CAPN10: variants seen among roughly 807,000 people sequenced by gnomAD.
The protein encoded by CAPN10 is calpain 10.
CAPN10 carries 71 observed loss-of-function variants against 78.4 expected under a neutral mutation model. The observed-to-expected ratio is 0.91, with a 90% confidence interval of 0.75 to 1.10. CAPN10 has a LOEUF of 1.10. Ranked by LOEUF, CAPN10 falls within the 50% of genes least tolerant of loss-of-function variation. The pLI is 0.00. For synonymous variants in CAPN10, 437 were observed against 407.2 expected (o/e 1.07, Z -0.88); for missense variants, 849 against 924.6 (o/e 0.92, Z 1.06).
chr2:240,596,744 GA>G lies in CAPN10; in HGVS notation c.1546del (p.Thr516ProfsTer86), dbSNP rs757476502. 1.2e-6 allele frequency: 2 copies of G among 1,602,600 alleles called. No individual in the cohort carries two copies. Among genetic ancestry groups the G allele is most frequent in the South Asian group, 2.2e-5 (2 of 89,514 alleles). On this transcript the variant is annotated frameshift_variant, in exon 9 of 12. Transcript: ENST00000391984. LOFTEE classifies it high-confidence loss of function. The stretch of plus-strand genomic sequence containing the variant: ...CAGCCCTGCCTGCGGGGGAGTGGGG[GA>G]CCGTGCAGCTACGGGGTTCTTGGAG... ...GAALPAGEWGTVQLRGSWRVG... is the reference protein window; with the variant it reads ...GAALPAGEWGXVQLRGSWRVG...
In CAPN10 at chr2:240,597,786, G is replaced by A. The variant is rs561500473; in HGVS notation, c.1744-102G>A. 111 of 1,008,362 alleles carry A rather than the reference G, an allele frequency of 1.1e-4. 1 individual carries two copies. In the African/African-American group the frequency reaches 1.8e-3, roughly 16 times the overall value. 62.5% of individuals were successfully genotyped at this position (1,008,362 alleles called of 1,614,324 possible). On this transcript the variant is annotated intron_variant, in intron 9 of 11. Coordinates refer to ENST00000391984, the MANE Select transcript of CAPN10 (RefSeq NM_023083.4). ...GCAGCCCCTCCTCAGAGAAGGGGCT[G>A]TATGTGACTCAAGAGGGCCAAGGGC...
At chr2:240,587,145 C>A in intron 1 of CAPN10, 93 bp downstream of exon 1, 1 of 716,358 alleles carries the variant, frequency 1.4e-6, no homozygotes, top group Non-Finnish European at 2.0e-6. Context: ...GCCAGGGTAG[C>A]TCCGAACGCA....
intron 3 of CAPN10, chr2:240,591,300 G>A (rs568455334): frequency 4.8e-5 from 18 of 373,990 alleles, no homozygotes; most frequent in African/African-American, 3.7e-4. Context: ...ATCGGCCCCA[G>A]CAAGAAAGAT....
intron 1 of CAPN10, 57 bp downstream of exon 1, chr2:240,587,109 T>C: frequency 1.7e-6 from 2 of 1,155,290 alleles, no homozygotes; most frequent in Non-Finnish European, 2.3e-6. Flanking sequence ...TCTCCGCTCC[T>C]CGCAGGGAGC....
chr2:240,596,100 G>A (rs1030034636), intron 7 of CAPN10: 2 of 1,537,568 alleles, frequency 1.3e-6, no homozygotes, highest in African/African-American at 1.4e-5. Context: ...AGGACTTGCA[G>A]GCTCGTGTCT....
rs757883151 is a variant in CAPN10, at chr2:240,592,131, C to T, written c.669C>T (p.Cys223=). The T allele has an allele frequency of 1.5e-5, 23 of 1,569,390 alleles. No homozygotes were observed. Among genetic ancestry groups the T allele is most frequent in the Non-Finnish European group, 1.7e-5 (20 of 1,157,824 alleles). ...AGGACCAGTGTCTGATCAGCTGCTG[C>T]GTGCTCAGCCCCAGAGCAGGTGAGG... ...HLKDQCLISC[C]VLSPRAGARE... Residue 223 remains cysteine, a synonymous_variant, in exon 4 of 12, where the codon TGC becomes TGT. Coordinates refer to ENST00000391984, the MANE Select transcript of CAPN10 (RefSeq NM_023083.4).
Position 240,586,774 on chromosome 2 carries a change from G to C in CAPN10, c.-138G>C. 1.3e-6 allele frequency: 1 copy of C among 798,596 alleles called. No homozygotes were observed. Among genetic ancestry groups the C allele is most frequent in the Non-Finnish European group, 1.7e-6 (1 of 582,048 alleles). 49.5% of individuals were successfully genotyped at this position (798,596 alleles called of 1,614,324 possible). On this transcript the variant is annotated 5_prime_UTR_variant, in exon 1 of 12. Transcript: ENST00000391984. ...CGTACTGGCCTGGTCCAGCACCTGCGGGGCCCTCGGGCTTGGAGGGCTGGG... is the reference window on the plus strand; with the variant it reads ...CGTACTGGCCTGGTCCAGCACCTGCCGGGCCCTCGGGCTTGGAGGGCTGGG...
At chr2:240,587,144 G>A in intron 1 of CAPN10, 92 bp downstream of exon 1, 3 of 717,006 alleles carry the variant, frequency 4.2e-6, no homozygotes, top group Non-Finnish European at 2.0e-6. Flanking sequence ...GGCCAGGGTA[G>A]CTCCGAACGC....
Position 240,596,325 on chromosome 2 carries a change from A to G in CAPN10, c.1285A>G (p.Lys429Glu), listed in dbSNP as rs755756511. ...CTCCTGCACGTGCTCACAGGTAGAG[A>G]AGCGGCGGGTCAATCTGCCTAGGGT... Reference protein sequence around the residue: ...AVGLHLWKVEKRRVNLPRVLS... With the variant: ...AVGLHLWKVEERRVNLPRVLS... The change falls in exon 8 of 12, where the codon AAG (lysine) becomes GAG (glutamate). Residue 429 changes from lysine (K) to glutamate (E), a missense_variant. By Grantham distance (56) the Lys-to-Glu change is moderately conservative. Coordinates refer to ENST00000391984, the MANE Select transcript of CAPN10 (RefSeq NM_023083.4). The G allele has an allele frequency of 1.9e-6, 3 of 1,598,258 alleles. No individual in the cohort carries two copies. In the South Asian group the frequency reaches 3.3e-5, roughly 18 times the overall value.
intron 5 of CAPN10, 35 bp from the exon 6 acceptor site, chr2:240,594,508 G>A (rs200584759): frequency 2.4e-5 from 39 of 1,594,088 alleles, no homozygotes; most frequent in Non-Finnish European, 2.8e-5. Context: ...ACCAGTTCTC[G>A]GGAGGGGCTT....
Position 240,594,727 on chromosome 2 carries a change from T to C in CAPN10, c.997+18T>C. ...CTACACAGGTAGTGCCCCGAGGGGC[T>C]GTGCTGGGCACGTGCTCTGCCTGCC... On this transcript the variant is annotated intron_variant, in intron 6 of 11. Coordinates refer to ENST00000391984, the MANE Select transcript of CAPN10 (RefSeq NM_023083.4). The C allele has an allele frequency of 6.2e-7, 1 of 1,604,554 alleles. No homozygotes were observed. Among genetic ancestry groups the C allele is most frequent in the South Asian group, 1.1e-5 (1 of 90,598 alleles).
intron 2 of CAPN10, 147 bp downstream of exon 2, chr2:240,589,621 G>C: frequency 9.5e-7 from 1 of 1,054,030 alleles, no homozygotes; most frequent in Non-Finnish European, 1.3e-6. Flanking sequence ...AGAGTTCCAA[G>C]GCAGAGGCTG....
In CAPN10 at chr2:240,586,783, G is replaced by C. The variant is rs2093070223; in HGVS notation, c.-129G>C. 3.6e-5 allele frequency: 34 copies of C among 938,216 alleles called. 1 individual carries two copies. The South Asian group carries it at 9.5e-4, about 26-fold the overall frequency. 58.1% of individuals were successfully genotyped at this position (938,216 alleles called of 1,614,324 possible). A position where few individuals can be genotyped will look rare whatever the true frequency, so the allele number is the denominator to read the frequency against. On this transcript the variant is annotated 5_prime_UTR_variant, in exon 1 of 12. Coordinates refer to ENST00000391984, the MANE Select transcript of CAPN10 (RefSeq NM_023083.4). ...CTGGTCCAGCACCTGCGGGGCCCTC[G>C]GGCTTGGAGGGCTGGGCCGGGCGGG...
chr2:240,592,354 C>G (rs1188802379), intron 4 of CAPN10: 1 of 682,972 alleles, frequency 1.5e-6, no homozygotes, highest in East Asian at 2.7e-5. Context: ...GCCCTTCTCT[C>G]CCCTGACCAG....
At chr2:240,588,698 T>TA (rs986680897) in intron 1 of CAPN10, among the ~76,000 whole-genome samples, 6 of 152,064 alleles carry the variant, frequency 3.9e-5, no homozygotes, top group African/African-American at 1.2e-4. Context: ...GGGAAGCAGG[T>TA]AGTGGGCATG....
In CAPN10 at chr2:240,593,312, C is replaced by T. The variant is rs181988687; in HGVS notation, c.689-594C>T. ...AGGTGGCAAGGGGCCGCGGCGTGGGCGAGACTGAAGTCCTTCCAGGAGACC... is the reference window on the plus strand; with the variant it reads ...AGGTGGCAAGGGGCCGCGGCGTGGGTGAGACTGAAGTCCTTCCAGGAGACC... On this transcript the variant is annotated intron_variant, in intron 4 of 11. Transcript: ENST00000391984. Among the ~76,000 whole-genome samples the T allele has an allele frequency of 5.6e-3, 847 of 152,354 alleles. 4 individuals carry two copies. Among genetic ancestry groups the T allele is most frequent in the Non-Finnish European group, 9.6e-3 (656 of 68,030 alleles).
chr2:240,595,228 G>T lies in CAPN10; in HGVS notation c.1202G>T (p.Gly401Val), dbSNP rs2093129405. 1.9e-6 allele frequency: 3 copies of T among 1,613,564 alleles called. No individual in the cohort carries two copies. The highest frequency in any genetic ancestry group is 2.5e-6 in the Non-Finnish European group (3 of 1,180,030). ...GCAGGCCGGGCCCGGGCACTGGTGG[G>T]TGACAGTCATACTTCGTGGAGCCCA... ...DWAGRARALV[G>V]DSHTSWSPAS... Residue 401 changes from glycine (G) to valine (V), a missense_variant, in exon 7 of 12, where the codon GGT becomes GTT. Gly to Val is a moderately radical substitution (Grantham distance 109). Transcript: ENST00000391984.
chr2:240,598,097 TGG>T lies in CAPN10; in HGVS notation c.1943+12_1943+13del, dbSNP rs2093148946. 9 of 1,600,352 alleles carry T rather than the reference TGG, an allele frequency of 5.6e-6. No individual in the cohort carries two copies. Among genetic ancestry groups the T allele is most frequent in the Non-Finnish European group, 6.8e-6 (8 of 1,170,508 alleles). On this transcript the variant is annotated intron_variant, in intron 10 of 11. Coordinates refer to ENST00000391984, the MANE Select transcript of CAPN10 (RefSeq NM_023083.4). ...CAACCAGGATTGACAGGTGGGGCTCTGGGACTTGGGGGCGGCCAGCTGGAGGC... is the reference window on the plus strand; with the variant it reads ...CAACCAGGATTGACAGGTGGGGCTCTGACTTGGGGGCGGCCAGCTGGAGGC...
chr2:240,587,972 A>G (rs2093078626), intron 1 of CAPN10, among the ~76,000 whole-genome samples: 1 of 152,134 alleles, frequency 6.6e-6, no homozygotes, highest in Admixed American at 6.5e-5. Flanking sequence ...GAGAAAGATG[A>G]AGGGGCTCAG....
Sources: allele counts gnomAD v4.1 joint callset (sites outside exome capture counted in the v4.1 genomes callset), GRCh38; gene constraint gnomAD v4.1.1; transcripts MANE v1.5; gene names NCBI Gene and HGNC (gene_info 2026-07-23, HGNC 2026-07-21).